Variants in SPDYE4 observed in about 807,000 individuals in gnomAD.
SPDYE4 encodes the protein speedy protein E4.
Under a neutral mutation model 37.5 loss-of-function variants are expected in SPDYE4, and 30 were observed. The ratio of observed to expected loss-of-function variants is 0.80; its 90% CI spans 0.60 to 1.09. The LOEUF is 1.09. Ranked by LOEUF, SPDYE4 falls within the 50% of genes least tolerant of loss-of-function variation. The pLI is 0.00. For synonymous variants in SPDYE4, 131 were observed against 120.3 expected (o/e 1.09, Z -0.58); for missense variants, 300 against 307.9 (o/e 0.97, Z 0.19).
Position 8,758,371 on chromosome 17 carries a change from A to G in SPDYE4, c.12T>C (p.Gly4=). The change falls in exon 1 of 7, where the codon GGT becomes GGC. Residue 4 remains glycine, a synonymous_variant. Coordinates refer to ENST00000689094, the MANE Select transcript of SPDYE4 (RefSeq NM_001394956.1). ...CCTCCTCAAACGGGGGGCGCGCTTG[A>G]CCACTGGCCATAATCTCTCCCAAAC... MAS[G]QARPPFEEES... 1 of 1,551,392 alleles carries G rather than the reference A, an allele frequency of 6.4e-7. No homozygotes were observed. Among genetic ancestry groups the G allele is most frequent in the Non-Finnish European group, 8.7e-7 (1 of 1,146,828 alleles).
downstream of SPDYE4, among the ~76,000 whole-genome samples, chr17:8,748,230 T>G (rs2151143029): frequency 6.6e-6 from 1 of 152,332 alleles, no homozygotes; most frequent in East Asian, 1.9e-4. Flanking sequence ...ATGTATTAGC[T>G]CCTAAGGGTG....
At chr17:8,748,832 G>C (rs1291638114), downstream of SPDYE4, among the ~76,000 whole-genome samples, 2 of 152,086 alleles carry the variant, frequency 1.3e-5, no homozygotes. Context: ...CTTTTGAGTG[G>C]ATTGGTTGGA....
Position 8,758,290 on chromosome 17 carries a change from T to G in SPDYE4, c.93A>C (p.Glu31Asp). 1 of 1,547,246 alleles carries G rather than the reference T, an allele frequency of 6.5e-7. No individual in the cohort carries two copies. The highest frequency in any genetic ancestry group is 2.4e-5 in the East Asian group (1 of 40,850). ...VRSPEVVVDDEVPGPSAPWID... is the reference protein window; with the variant it reads ...VRSPEVVVDDDVPGPSAPWID... ...TCACCTCACCTGATGGTCCTGGCAC[T>G]TCATCATCCACCACCACCTCGGGGG... Residue 31 changes from glutamate to aspartate, a missense_variant, in exon 1 of 7, where the codon GAA (glutamate) becomes GAC (aspartate). Glu to Asp is a conservative substitution (Grantham distance 45, BLOSUM62 2). Coordinates refer to ENST00000689094, the MANE Select transcript of SPDYE4 (RefSeq NM_001394956.1).
chr17:8,749,443 T>C (rs1176495434), downstream of SPDYE4, among the ~76,000 whole-genome samples: 7 of 152,126 alleles, frequency 4.6e-5, 1 homozygote, highest in Non-Finnish European at 1.5e-5. Flanking sequence ...TTTTGTATTT[T>C]TTTTTGTAGA....
rs560328311 is a variant in SPDYE4, at chr17:8,753,090, G to A, written c.*44+4C>T. On this transcript the variant is annotated splice_donor_region_variant and intron_variant, in intron 6 of 6. Transcript: ENST00000689094. ...TGCCTTTACCCTGGAGGATACACAC[G>A]TACCTTCCCTCAGGCCGATGACCTC... 6.2e-6 allele frequency: 10 copies of A among 1,603,562 alleles called. No homozygotes were observed. The highest frequency in any genetic ancestry group is 2.2e-5 in the South Asian group (2 of 90,636).
At chr17:8,755,156 G>T (rs553856394) in intron 4 of SPDYE4, among the ~76,000 whole-genome samples, 1 of 152,318 alleles carries the variant, frequency 6.6e-6, no homozygotes, top group East Asian at 1.9e-4. Context: ...CTGAATTTCT[G>T]CCTCTGTCAT....
At chr17:8,750,711 AAAAC>A (rs35778807), downstream of SPDYE4, among the ~76,000 whole-genome samples, 5 of 151,480 alleles carry the variant, frequency 3.3e-5, no homozygotes, top group Admixed American at 6.6e-5. Context: ...CTCCATCTCA[AAAAC>A]AAACAAACAA....
Position 8,753,393 on chromosome 17 carries a change from G to T in SPDYE4, c.582C>A (p.Phe194Leu). Residue 194 changes from phenylalanine to leucine, a missense_variant, in exon 5 of 7, where the codon TTC (phenylalanine) becomes TTA (leucine). Transcript: ENST00000689094. ...YGKNYSQRPLFHKLRYQLLCS... is the reference protein window; with the variant it reads ...YGKNYSQRPLLHKLRYQLLCS... Reference sequence around the variant, plus strand: ...AGAGGAGCTGGTATCGAAGCTTATGGAACAAGGGTCGCTGGGAGTAGTTCT... The same window carrying T: ...AGAGGAGCTGGTATCGAAGCTTATGTAACAAGGGTCGCTGGGAGTAGTTCT... 2 of 1,596,582 alleles carry T rather than the reference G, an allele frequency of 1.3e-6. No individual in the cohort carries two copies. Among genetic ancestry groups the T allele is most frequent in the Non-Finnish European group, 1.7e-6 (2 of 1,171,422 alleles).
At chr17:8,750,111 C>T (rs1361311147), downstream of SPDYE4, among the ~76,000 whole-genome samples, 1 of 152,160 alleles carries the variant, frequency 6.6e-6, no homozygotes, top group African/African-American at 2.4e-5. Context: ...GGGCCAAATG[C>T]AATGCAGTGT....
chr17:8,749,644 C>T (rs953971704), downstream of SPDYE4, among the ~76,000 whole-genome samples: 2 of 152,160 alleles, frequency 1.3e-5, no homozygotes, highest in African/African-American at 4.8e-5. Flanking sequence ...AACCATCTGC[C>T]CACCTGGGCC....
Position 8,753,209 on chromosome 17 carries a change from C to T in SPDYE4, c.655-12G>A, listed in dbSNP as rs778582254. ...TCATAAGCCTGGATCTGGAAAAACA[C>T]ACACCACTTGAGAAGCCAGGGATTC... On this transcript the variant is annotated splice_polypyrimidine_tract_variant and intron_variant, in intron 5 of 6. Transcript: ENST00000689094. 6.2e-6 allele frequency: 10 copies of T among 1,613,976 alleles called. No homozygotes were observed. Among genetic ancestry groups the T allele is most frequent in the Middle Eastern group, 3.3e-4 (2 of 6,084 alleles).
At chr17:8,753,543 C>CCT (rs1243208378) in intron 4 of SPDYE4, 54 bp from the exon 5 acceptor site, 234 of 1,594,582 alleles carry the variant, frequency 1.5e-4, no homozygotes, top group Non-Finnish European at 1.9e-4. Context: ...GGGACCCCTG[C>CCT]CTGAGGGCAG....
chr17:8,747,842 A>T (rs986921497), downstream of SPDYE4, among the ~76,000 whole-genome samples: 1 of 152,214 alleles, frequency 6.6e-6, no homozygotes, highest in South Asian at 2.1e-4. Context: ...GTCCGTTTTC[A>T]TGCTGCTGAT....
At chr17:8,757,174 TTC>T in intron 2 of SPDYE4, 86 bp downstream of exon 2, 1 of 1,284,498 alleles carries the variant, frequency 7.8e-7, no homozygotes, top group South Asian at 1.4e-5. Flanking sequence ...GGAGGGCATA[TTC>T]TTCTTATTGG....
At chr17:8,755,765 T>C (rs1390464190) in intron 3 of SPDYE4, among the ~76,000 whole-genome samples, 160 bp from the exon 4 acceptor site, 3 of 151,200 alleles carry the variant, frequency 2.0e-5, no homozygotes, top group Admixed American at 2.0e-4. Flanking sequence ...GGGTGGAGAG[T>C]GTTCAAAGTC....
intron 2 of SPDYE4, 74 bp downstream of exon 2, chr17:8,757,188 A>C: frequency 1.1e-5 from 16 of 1,404,246 alleles, no homozygotes; most frequent in Non-Finnish European, 1.5e-5. Flanking sequence ...TCTTATTGGG[A>C]AAGTGTGATT....
At chr17:8,755,137 G>A (rs1228694605) in intron 4 of SPDYE4, among the ~76,000 whole-genome samples, 1 of 152,178 alleles carries the variant, frequency 6.6e-6, no homozygotes. Context: ...TGTGTTATGC[G>A]AGGACGACCT....
In SPDYE4 at chr17:8,753,210, A is replaced by G. The variant is rs771652566; in HGVS notation, c.655-13T>C. On this transcript the variant is annotated splice_polypyrimidine_tract_variant and intron_variant, in intron 5 of 6. Transcript: ENST00000689094. ...CATAAGCCTGGATCTGGAAAAACACACACCACTTGAGAAGCCAGGGATTCC... is the reference window on the plus strand; with the variant it reads ...CATAAGCCTGGATCTGGAAAAACACGCACCACTTGAGAAGCCAGGGATTCC... 2.5e-6 allele frequency: 4 copies of G among 1,613,918 alleles called. No homozygotes were observed. Among genetic ancestry groups the G allele is most frequent in the Admixed American group, 1.7e-5 (1 of 59,996 alleles).
Position 8,758,375 on chromosome 17 carries a change from C to G in SPDYE4, c.8G>C (p.Ser3Thr), listed in dbSNP as rs772337760. MA[S>T]GQARPPFEEE... Reference sequence around the variant, plus strand: ...CTCAAACGGGGGGCGCGCTTGACCACTGGCCATAATCTCTCCCAAACACTT... The same window carrying G: ...CTCAAACGGGGGGCGCGCTTGACCAGTGGCCATAATCTCTCCCAAACACTT... The change falls in exon 1 of 7, where the codon AGT becomes ACT. Residue 3 changes from serine (S) to threonine (T), a missense_variant. Coordinates refer to ENST00000689094, the MANE Select transcript of SPDYE4 (RefSeq NM_001394956.1). 6 of 1,551,434 alleles carry G rather than the reference C, an allele frequency of 3.9e-6. No individual in the cohort carries two copies. The African/African-American group carries it at 6.8e-5, about 18-fold the overall frequency.
Sources: gnomAD v4.1 joint callset for allele counts (sites outside exome capture counted in the v4.1 genomes callset) on GRCh38, gnomAD v4.1.1 for gene constraint, MANE v1.5 for transcripts, NCBI Gene and HGNC (gene_info 2026-07-23, HGNC 2026-07-21) for gene names.